Variants in PHACTR4 observed in about 807,000 individuals in gnomAD.
PHACTR4 encodes the protein protein phosphatase 1, regulatory subunit 124.
Under a neutral mutation model 72.7 loss-of-function variants are expected in PHACTR4, and 51 were observed. The ratio of observed to expected loss-of-function variants is 0.70; its 90% CI spans 0.56 to 0.89. The LOEUF (loss-of-function observed/expected upper bound fraction) is 0.89. PHACTR4 is among the 40% of genes least tolerant of loss of function. PHACTR4 has a pLI of 0.00. For synonymous variants in PHACTR4, 255 were observed against 302.5 expected, an observed-to-expected ratio of 0.84 and a Z score of 1.63; for missense variants, 731 against 861.8, an observed-to-expected ratio of 0.85 and a Z score of 1.90.
intron 1 of PHACTR4, among the ~76,000 whole-genome samples, chr1:28,401,171 T>C (rs993911037): frequency 4.6e-5 from 7 of 151,960 alleles, no homozygotes; most frequent in African/African-American, 1.5e-4. Flanking sequence ...TGGAAGTACC[T>C]GGTAGGAAAG....
intron 1 of PHACTR4, among the ~76,000 whole-genome samples, chr1:28,387,164 G>A (rs962992687): frequency 6.6e-6 from 1 of 151,426 alleles, no homozygotes; most frequent in African/African-American, 2.4e-5. Flanking sequence ...GGGAGGCTGA[G>A]GTAGGAGAAT....
intron 12 of PHACTR4, among the ~76,000 whole-genome samples, chr1:28,492,487 T>C (rs2124558242): frequency 6.8e-6 from 1 of 147,826 alleles, no homozygotes; most frequent in South Asian, 2.2e-4. Context: ...ACTAGCCAGG[T>C]GCAGTGGCTC....
In PHACTR4 at chr1:28,457,116, T is replaced by G. The variant is rs141240487; in HGVS notation, c.17-1969T>G. On this transcript the variant is annotated intron_variant, in intron 2 of 13. Transcript: ENST00000373839. ...CCTAAGTCTTCTGGGCATAGCAAACTAATGCATCAGTAGTCACCATTGCAT... is the reference window on the plus strand; with the variant it reads ...CCTAAGTCTTCTGGGCATAGCAAACGAATGCATCAGTAGTCACCATTGCAT... Among the ~76,000 whole-genome samples, 3 of 152,288 alleles carry G rather than the reference T, an allele frequency of 2.0e-5. No individual in the cohort carries two copies. The East Asian group carries it at 5.8e-4, about 29-fold the overall frequency.
rs556684942 is a variant in PHACTR4, at chr1:28,443,063, T to C, written c.17-16022T>C. Reference sequence around the variant, plus strand: ...TAATTTTGTATTCTTTAACAAATCTTTCCCTACCCATCCCTTCCCATTATC... The same window carrying C: ...TAATTTTGTATTCTTTAACAAATCTCTCCCTACCCATCCCTTCCCATTATC... On this transcript the variant is annotated intron_variant, in intron 2 of 13. Transcript: ENST00000373839. Among the ~76,000 whole-genome samples the C allele has an allele frequency of 3.3e-5, 5 of 152,272 alleles. No homozygotes were observed. The South Asian group carries it at 1.0e-3, about 32-fold the overall frequency.
intron 1 of PHACTR4, among the ~76,000 whole-genome samples, chr1:28,384,316 A>G (rs1652405991): frequency 6.6e-6 from 1 of 151,990 alleles, no homozygotes. Context: ...CTGATAGGCT[A>G]TTTATTACTG....
chr1:28,408,673 T>TA (rs970253049), intron 2 of PHACTR4, among the ~76,000 whole-genome samples: 3 of 151,340 alleles, frequency 2.0e-5, no homozygotes, highest in Non-Finnish European at 2.9e-5. Flanking sequence ...TATATATATT[T>TA]TTTTTTAATT....
chr1:28,469,570 A>G (rs1217564547), intron 6 of PHACTR4, among the ~76,000 whole-genome samples: 2 of 152,350 alleles, frequency 1.3e-5, no homozygotes, highest in South Asian at 2.1e-4. Context: ...TATTAATTCA[A>G]AAGTAAAAAT....
chr1:28,392,257 T>C lies in PHACTR4; in HGVS notation c.-38-15153T>C, dbSNP rs573515986. Among the ~76,000 whole-genome samples the C allele has an allele frequency of 1.8e-3, 267 of 152,302 alleles. 5 individuals carry two copies. Among genetic ancestry groups the C allele is most frequent in the Admixed American group, 0.015 (229 of 15,260 alleles). On this transcript the variant is annotated intron_variant, in intron 1 of 13. Coordinates refer to ENST00000373839, the MANE Select transcript of PHACTR4 (RefSeq NM_001048183.3). ...GTGTCTCCACACTGAGTCTGCTACA[T>C]GCCCTTTAGTAGCAGACTTGGTTGT...
chr1:28,453,184 T>C (rs1466669037), intron 2 of PHACTR4, among the ~76,000 whole-genome samples: 3 of 152,168 alleles, frequency 2.0e-5, no homozygotes, highest in Admixed American at 2.0e-4. Flanking sequence ...ACTGCTGTAA[T>C]TTCATAGCCA....
Position 28,459,165 on chromosome 1 carries a change from A to G in PHACTR4, c.97A>G (p.Arg33Gly). 1 of 1,614,060 alleles carries G rather than the reference A, an allele frequency of 6.2e-7. No individual in the cohort carries two copies. Among genetic ancestry groups the G allele is most frequent in the Non-Finnish European group, 8.5e-7 (1 of 1,179,940 alleles). Residue 33 changes from arginine (R) to glycine (G), a missense_variant, in exon 3 of 14, where the codon AGG (arginine) becomes GGG (glycine). Physicochemically the swap from Arg to Gly is moderately radical, Grantham distance 125 (BLOSUM62 -2). This residue lies in a region of PHACTR4 where 621 missense variants were observed against 676.6 expected (regional missense o/e 0.92). Coordinates refer to ENST00000373839, the MANE Select transcript of PHACTR4 (RefSeq NM_001048183.3). ...EAGDTTPPTK[R>G]KSKFSGFGKI... The stretch of plus-strand genomic sequence containing the variant: ...AGGAGACACAACACCTCCTACCAAA[A>G]GGAAGAGCAAGTTCTCAGGCTTTGG...
intron 2 of PHACTR4, among the ~76,000 whole-genome samples, chr1:28,410,672 G>A (rs1266470255): frequency 6.6e-6 from 1 of 152,040 alleles, no homozygotes; most frequent in Non-Finnish European, 1.5e-5. Context: ...TAGAAATTTG[G>A]GTTCTGTGCT....
At chr1:28,485,274 C>T (rs1338363599) in intron 9 of PHACTR4, among the ~76,000 whole-genome samples, 1 of 152,138 alleles carries the variant, frequency 6.6e-6, no homozygotes, top group East Asian at 1.9e-4. Context: ...TAGAGATCCA[C>T]TGTACAACAT....
chr1:28,381,414 TTAGCC>T (rs1183748569), intron 1 of PHACTR4, among the ~76,000 whole-genome samples: 1 of 151,710 alleles, frequency 6.6e-6, no homozygotes, highest in Non-Finnish European at 1.5e-5. Flanking sequence ...TTCTCTTGCC[TTAGCC>T]TCCCGAGTAG....
intron 2 of PHACTR4, chr1:28,453,735 C>T: frequency 1.7e-5 from 20 of 1,147,530 alleles, no homozygotes; most frequent in Non-Finnish European, 2.6e-5. Context: ...CAGTTAGATC[C>T]TGAAGTTACA....
intron 2 of PHACTR4, among the ~76,000 whole-genome samples, chr1:28,458,396 C>T (rs1658562096): frequency 6.6e-6 from 1 of 152,120 alleles, no homozygotes; most frequent in African/African-American, 2.4e-5. Context: ...GATCTGCCTG[C>T]CTCAGCCTCC....
intron 4 of PHACTR4, 40 bp downstream of exon 4, chr1:28,460,332 A>G: frequency 7.1e-7 from 1 of 1,416,966 alleles, no homozygotes; most frequent in Non-Finnish European, 9.9e-7. Context: ...GTCTCTGTGC[A>G]CTTGGTCTTT....
chr1:28,426,675 G>A (rs1376896422), intron 2 of PHACTR4, among the ~76,000 whole-genome samples: 1 of 150,514 alleles, frequency 6.6e-6, no homozygotes, highest in Non-Finnish European at 1.5e-5. Flanking sequence ...AAAAAAAAAA[G>A]AAACGTGGAA....
intron 11 of PHACTR4, 66 bp from the exon 12 acceptor site, chr1:28,491,584 C>T: frequency 1.2e-6 from 2 of 1,605,140 alleles, no homozygotes; most frequent in Non-Finnish European, 8.5e-7. Context: ...GGGTTAGAGG[C>T]AATTTGAATG....
chr1:28,390,615 C>T (rs11247798), intron 1 of PHACTR4, among the ~76,000 whole-genome samples: 1 of 151,214 alleles, frequency 6.6e-6, no homozygotes, highest in Non-Finnish European at 1.5e-5. Flanking sequence ...CATGGTGATA[C>T]CCCTATCTCT....
Sources: allele counts gnomAD v4.1 joint callset (sites outside exome capture counted in the v4.1 genomes callset), GRCh38; gene constraint gnomAD v4.1.1; regional missense constraint gnomAD v4.1.1; transcripts MANE v1.5; gene names NCBI Gene and HGNC (gene_info 2026-07-23, HGNC 2026-07-21).